Variants in UNC80 observed in about 807,000 individuals in gnomAD.
UNC80 encodes the protein unc-80 subunit of NALCN channel complex, also known as protein unc-80 homolog.
Under a neutral mutation model 384.6 loss-of-function variants are expected in UNC80, and 164 were observed. That is an observed-to-expected ratio of 0.43 (90% CI 0.38 to 0.49). UNC80 has a LOEUF of 0.49. Ranked by LOEUF, UNC80 falls within the 20% of genes least tolerant of loss-of-function variation. The pLI is 0.00. For synonymous variants in UNC80, 1,486 were observed against 1,527.8 expected (o/e 0.97, Z 0.64); for missense variants, 3,330 against 4,143.0 (o/e 0.80, Z 5.39).
Position 209,976,126 on chromosome 2 carries a change from G to A in UNC80, c.8595G>A (p.Lys2865=). The A allele has an allele frequency of 6.4e-7, 1 of 1,551,132 alleles. No individual in the cohort carries two copies. Among genetic ancestry groups the A allele is most frequent in the Non-Finnish European group, 8.7e-7 (1 of 1,146,768 alleles). The change falls in exon 57 of 65, where the codon AAG becomes AAA. Residue 2865 remains lysine, a synonymous_variant. Transcript: ENST00000673920. This position sits in a 1 kb window ranked among gnomAD's most constrained non-coding sequence, Gnocchi z 4.3. ...STSQAAYLAL[K]VILVCFERQL... The stretch of plus-strand genomic sequence containing the variant: ...TCTTTTCCCGGTGTGAAGCGCTGAA[G>A]GTGATTCTCGTCTGCTTTGAGAGGC...
chr2:209,917,450 C>A (rs2124947594), intron 31 of UNC80, among the ~76,000 whole-genome samples: 1 of 152,306 alleles, frequency 6.6e-6, no homozygotes, highest in Non-Finnish European at 1.5e-5. Context: ...AGAGATGACT[C>A]TGGCTATCTC....
chr2:209,880,885 C>A, intron 24 of UNC80, 76 bp from the exon 25 acceptor site: 1 of 1,379,010 alleles, frequency 7.3e-7, no homozygotes. Flanking sequence ...ACATGTGTAG[C>A]TATGTCCATC....
intron 22 of UNC80, among the ~76,000 whole-genome samples, chr2:209,871,663 A>G (rs547083114): frequency 1.3e-5 from 2 of 152,290 alleles, no homozygotes; most frequent in South Asian, 4.1e-4. Flanking sequence ...AATAGTTGAT[A>G]TATATTTTCT....
chr2:209,901,105 T>C (rs911003929), intron 28 of UNC80, among the ~76,000 whole-genome samples: 7 of 152,348 alleles, frequency 4.6e-5, no homozygotes, highest in East Asian at 1.9e-4. Flanking sequence ...GCCAGGATCA[T>C]TGATGTAGGT....
chr2:209,851,338 C>T (rs1235148617), intron 22 of UNC80, among the ~76,000 whole-genome samples: 1 of 152,002 alleles, frequency 6.6e-6, no homozygotes, highest in East Asian at 1.9e-4. Context: ...ATAATGAGAG[C>T]AGTGATGGTG....
chr2:209,832,041 C>A (rs1056070983), intron 16 of UNC80, among the ~76,000 whole-genome samples: 2 of 152,040 alleles, frequency 1.3e-5, no homozygotes, highest in Non-Finnish European at 2.9e-5. Flanking sequence ...AGCTACTTGT[C>A]TTGAAAGACT....
intron 51 of UNC80, among the ~76,000 whole-genome samples, chr2:209,964,754 T>A (rs958703350): frequency 1.4e-5 from 2 of 139,692 alleles, no homozygotes; most frequent in Admixed American, 1.5e-4. Context: ...ACCACTGCAC[T>A]CCAGCCTGGT....
At chr2:209,789,890 G>C (rs890588089) in intron 6 of UNC80, among the ~76,000 whole-genome samples, 1 of 151,980 alleles carries the variant, frequency 6.6e-6, no homozygotes, top group Admixed American at 6.5e-5. Flanking sequence ...TGGCTAACAT[G>C]TAACACTCAA....
intron 8 of UNC80, 31 bp from the exon 9 acceptor site, chr2:209,815,226 A>G (rs1021895396): frequency 1.9e-6 from 3 of 1,547,546 alleles, no homozygotes; most frequent in Admixed American, 2.0e-5. Flanking sequence ...GTAAAGTCCT[A>G]AGTCCTTGAT....
chr2:209,836,424 G>A (rs2081339433), intron 18 of UNC80, among the ~76,000 whole-genome samples: 1 of 151,960 alleles, frequency 6.6e-6, no homozygotes, highest in Non-Finnish European at 1.5e-5. Context: ...AGCCAAATTG[G>A]ACTTAAAAAA....
chr2:209,954,396 A>C, intron 48 of UNC80, 126 bp downstream of exon 48: 1 of 959,994 alleles, frequency 1.0e-6, no homozygotes. Flanking sequence ...TACCTCCTAA[A>C]CTCAGCCCTT....
In UNC80 at chr2:209,984,845, C is replaced by T. The variant is rs750525596; in HGVS notation, c.9258-11C>T. The T allele has an allele frequency of 6.5e-7, 1 of 1,544,774 alleles. No homozygotes were observed. The highest frequency in any genetic ancestry group is 8.7e-7 in the Non-Finnish European group (1 of 1,144,506). On this transcript the variant is annotated splice_polypyrimidine_tract_variant and intron_variant, in intron 60 of 64. Transcript: ENST00000673920. ...TTCCCTAAATGCTTCATCTCCCTAC[C>T]CCTCCTGCAGTGAACCTAATGTCCT...
intron 22 of UNC80, among the ~76,000 whole-genome samples, chr2:209,858,864 A>G (rs924706375): frequency 6.6e-6 from 1 of 150,984 alleles, no homozygotes; most frequent in Admixed American, 6.6e-5. Flanking sequence ...TTATTTTTTC[A>G]TTGTGTGTGC....
intron 16 of UNC80, among the ~76,000 whole-genome samples, chr2:209,833,373 C>A (rs898951782): frequency 6.6e-6 from 1 of 151,750 alleles, no homozygotes; most frequent in Non-Finnish European, 1.5e-5. Context: ...AAGTAAAAGT[C>A]CAGCATATAT....
chr2:209,965,657 G>A (rs1233705490), intron 51 of UNC80, among the ~76,000 whole-genome samples: 1 of 151,794 alleles, frequency 6.6e-6, no homozygotes, highest in Non-Finnish European at 1.5e-5. Context: ...TCCTGACCTC[G>A]TGATCCACCT....
intron 27 of UNC80, among the ~76,000 whole-genome samples, chr2:209,894,691 G>C (rs1428289410): frequency 3.3e-5 from 5 of 152,222 alleles, no homozygotes; most frequent in South Asian, 2.1e-4. Flanking sequence ...ACTTTGAGCA[G>C]CAAGGATGTG....
At chr2:209,777,023 T>A (rs1026640615) in intron 3 of UNC80, among the ~76,000 whole-genome samples, 1 of 152,214 alleles carries the variant, frequency 6.6e-6, no homozygotes, top group Non-Finnish European at 1.5e-5. Flanking sequence ...TTTGGAAATA[T>A]ATTTGGGTAC....
intron 22 of UNC80, among the ~76,000 whole-genome samples, chr2:209,860,437 G>A (rs1303927073): frequency 1.3e-5 from 2 of 152,084 alleles, no homozygotes; most frequent in East Asian, 3.9e-4. Context: ...TTGTAGCCTT[G>A]TAGTTTGAAG....
chr2:209,808,907 C>T (rs894608037), intron 7 of UNC80: 3 of 285,430 alleles, frequency 1.1e-5, no homozygotes, highest in South Asian at 9.5e-5. Context: ...CAGCAGCAGC[C>T]CTACCACCAG....
Sources: allele counts gnomAD v4.1 joint callset (sites outside exome capture counted in the v4.1 genomes callset), GRCh38; gene constraint gnomAD v4.1.1; non-coding constraint Gnocchi (gnomAD v3.1); transcripts MANE v1.5; gene names NCBI Gene and HGNC (gene_info 2026-07-23, HGNC 2026-07-21).